MGAT4C: variants seen among roughly 807,000 people sequenced by gnomAD.
The protein encoded by MGAT4C is alpha-1,3-mannosyl-glycoprotein 4-beta-N-acetylglucosaminyltransferase C.
MGAT4C carries 19 observed loss-of-function variants against 40.1 expected under a neutral mutation model. The observed-to-expected ratio is 0.47, with a 90% confidence interval of 0.33 to 0.70. The LOEUF is 0.70. Ranked by LOEUF, MGAT4C falls within the 30% of genes least tolerant of loss-of-function variation. The pLI, the probability that MGAT4C is intolerant of heterozygous loss-of-function variation, is 0.02. For missense variants in MGAT4C, 491 were observed against 563.2 expected, an observed-to-expected ratio of 0.87 and a Z score of 1.30; for synonymous variants, 181 against 187.1, an observed-to-expected ratio of 0.97 and a Z score of 0.27.
intron 1 of MGAT4C, among the ~76,000 whole-genome samples, chr12:86,110,529 G>C (rs2135639893): frequency 6.7e-6 from 1 of 150,300 alleles, no homozygotes; most frequent in Non-Finnish European, 1.5e-5. Context: ...CGCATATTAA[G>C]TAATTTTAAA....
chr12:86,825,016 G>A (rs921431777), intron 1 of MGAT4C, among the ~76,000 whole-genome samples: 3 of 151,186 alleles, frequency 2.0e-5, no homozygotes, highest in African/African-American at 4.8e-5. Flanking sequence ...AAGTAGAAAA[G>A]GTCAACACGA....
At chr12:86,721,033 A>G (rs1421265317) in intron 2 of MGAT4C, among the ~76,000 whole-genome samples, 1 of 152,152 alleles carries the variant, frequency 6.6e-6, no homozygotes, top group East Asian at 1.9e-4. Flanking sequence ...TTGGTGAGAG[A>G]AACTTTGACC....
chr12:86,837,948 T>C (rs1193145758), intron 1 of MGAT4C, among the ~76,000 whole-genome samples: 7 of 152,208 alleles, frequency 4.6e-5, no homozygotes, highest in Admixed American at 2.0e-4. Context: ...TCAGAAGTTT[T>C]TCAGTTTTTA....
At chr12:86,660,309 T>C (rs1026030839) in intron 2 of MGAT4C, among the ~76,000 whole-genome samples, 3 of 152,182 alleles carry the variant, frequency 2.0e-5, no homozygotes, top group Non-Finnish European at 4.4e-5. Context: ...CTGTGGATGA[T>C]TGATGCCTTG....
chr12:86,738,571 A>C (rs1211093308), intron 1 of MGAT4C, among the ~76,000 whole-genome samples: 1 of 151,308 alleles, frequency 6.6e-6, no homozygotes, highest in African/African-American at 2.4e-5. Flanking sequence ...TCAATTTTAT[A>C]GTCAGTTGCA....
At chr12:86,773,716 T>C (rs1033471261) in intron 1 of MGAT4C, among the ~76,000 whole-genome samples, 13 of 151,996 alleles carry the variant, frequency 8.6e-5, no homozygotes, top group African/African-American at 3.1e-4. Context: ...AAGTGATATA[T>C]GTATGTGTGT....
At chr12:86,050,044 A>T (rs927099572) in intron 1 of MGAT4C, among the ~76,000 whole-genome samples, 3 of 151,982 alleles carry the variant, frequency 2.0e-5, no homozygotes, top group African/African-American at 4.8e-5. Context: ...ATTACTATTG[A>T]CGTCTGTTAG....
At chr12:86,498,365 T>G (rs2136331054) in intron 2 of MGAT4C, among the ~76,000 whole-genome samples, 1 of 151,810 alleles carries the variant, frequency 6.6e-6, no homozygotes, top group Admixed American at 6.6e-5. Context: ...TGTGAAGATT[T>G]GCAACAGTTT....
intron 2 of MGAT4C, among the ~76,000 whole-genome samples, chr12:86,030,734 T>C (rs1319933978): frequency 6.6e-6 from 1 of 151,774 alleles, no homozygotes; most frequent in Admixed American, 6.6e-5. Context: ...TTATGCAAAA[T>C]GGGCTAAAAC....
chr12:86,469,884 A>G (rs186640537), intron 2 of MGAT4C, among the ~76,000 whole-genome samples: 21 of 152,268 alleles, frequency 1.4e-4, no homozygotes, highest in Admixed American at 4.6e-4. Flanking sequence ...AAATCCTCCT[A>G]TAGAAACTGT....
intron 4 of MGAT4C, among the ~76,000 whole-genome samples, chr12:86,319,749 T>C (rs968378993): frequency 6.6e-6 from 1 of 152,176 alleles, no homozygotes. Context: ...CTTGTCAAGT[T>C]ACCTAGGAAA....
intron 2 of MGAT4C, among the ~76,000 whole-genome samples, chr12:86,548,317 T>C (rs117850275): frequency 0.01 from 1,575 of 152,212 alleles, 16 homozygotes; most frequent in East Asian, 0.037. Flanking sequence ...GAGGTGCTCA[T>C]TTAATATTTG....
intron 1 of MGAT4C, among the ~76,000 whole-genome samples, chr12:86,770,730 G>T (rs1288530602): frequency 2.0e-5 from 3 of 151,990 alleles, no homozygotes; most frequent in Non-Finnish European, 4.4e-5. Context: ...CTTGAATATA[G>T]TTAATAATCT....
intron 3 of MGAT4C, among the ~76,000 whole-genome samples, chr12:86,361,373 C>T (rs1955464340): frequency 6.6e-6 from 1 of 151,980 alleles, no homozygotes; most frequent in African/African-American, 2.4e-5. Flanking sequence ...GACCTAAAAC[C>T]ATAAAAACTC....
intron 1 of MGAT4C, among the ~76,000 whole-genome samples, chr12:86,811,453 T>G (rs1952473104): frequency 6.7e-6 from 1 of 149,530 alleles, no homozygotes; most frequent in Non-Finnish European, 1.5e-5. Context: ...GTAATTTTCC[T>G]GCCTCAGCCT....
At chr12:86,085,121 T>G (rs1316594563) in intron 1 of MGAT4C, among the ~76,000 whole-genome samples, 2 of 152,046 alleles carry the variant, frequency 1.3e-5, no homozygotes, top group African/African-American at 4.8e-5. Context: ...GTTTATTTTT[T>G]ATTTATTTTT....
chr12:86,034,821 C>A (rs1455137321), intron 2 of MGAT4C, among the ~76,000 whole-genome samples: 1 of 149,776 alleles, frequency 6.7e-6, no homozygotes, highest in African/African-American at 2.4e-5. Flanking sequence ...TGTGTGAGAA[C>A]ATGCAGTGTA....
chr12:86,432,620 CA>C (rs1201603126), intron 3 of MGAT4C, among the ~76,000 whole-genome samples: 1 of 151,662 alleles, frequency 6.6e-6, no homozygotes, highest in Admixed American at 6.6e-5. Flanking sequence ...GATTTGTAGG[CA>C]AAAGAACACA....
chr12:86,165,832 G>A (rs1593121631), intron 1 of MGAT4C, among the ~76,000 whole-genome samples: 1 of 151,980 alleles, frequency 6.6e-6, no homozygotes, highest in Non-Finnish European at 1.5e-5. Context: ...TAATAAAACG[G>A]GTAGCTTCAT....
Sources: allele counts gnomAD v4.1 joint callset (sites outside exome capture counted in the v4.1 genomes callset), GRCh38; gene constraint gnomAD v4.1.1; transcripts MANE v1.5; gene names NCBI Gene and HGNC (gene_info 2026-07-23, HGNC 2026-07-21).